The following GABRB2 variants were observed in gnomAD, a reference collection of about 807,000 sequenced individuals.
The protein encoded by GABRB2 is gamma-aminobutyric acid receptor subunit beta-2.
Under a neutral mutation model 54.7 loss-of-function variants are expected in GABRB2, and 16 were observed. The ratio of observed to expected loss-of-function variants is 0.29; its 90% CI spans 0.20 to 0.44. The LOEUF (loss-of-function observed/expected upper bound fraction) is 0.44, where lower values mean the gene tolerates loss of function less well. Ranked by LOEUF, GABRB2 falls within the 20% of genes least tolerant of loss-of-function variation. GABRB2 has a pLI of 1.00. For synonymous variants in GABRB2, 244 were observed against 233.8 expected (o/e 1.04, Z -0.40); for missense variants, 355 against 644.0 (o/e 0.55, Z 4.86).
intron 2 of GABRB2, among the ~76,000 whole-genome samples, chr5:161,545,948 G>A (rs1490745956): frequency 6.6e-6 from 1 of 152,194 alleles, no homozygotes; most frequent in Non-Finnish European, 1.5e-5. Flanking sequence ...CCAACTGCCT[G>A]CACGTCTTGT....
chr5:161,517,582 A>T (rs543205207), intron 3 of GABRB2, among the ~76,000 whole-genome samples: 1 of 152,192 alleles, frequency 6.6e-6, no homozygotes, highest in East Asian at 1.9e-4. Flanking sequence ...ACTGGTGTAA[A>T]CACTCTCTAC....
At chr5:161,506,844 CA>C (rs1759621460) in intron 3 of GABRB2, among the ~76,000 whole-genome samples, 1 of 151,962 alleles carries the variant, frequency 6.6e-6, no homozygotes, top group Admixed American at 6.6e-5. Context: ...GAGAAAAGGT[CA>C]ATCTTTGTAA....
chr5:161,325,823 A>G (rs1405177268), intron 9 of GABRB2, among the ~76,000 whole-genome samples: 1 of 152,142 alleles, frequency 6.6e-6, no homozygotes, highest in Non-Finnish European at 1.5e-5. Context: ...AACAATGTCA[A>G]TTATTGGCTT....
At chr5:161,394,648 A>C (rs1366126002) in intron 5 of GABRB2, among the ~76,000 whole-genome samples, 1 of 152,134 alleles carries the variant, frequency 6.6e-6, no homozygotes, top group Non-Finnish European at 1.5e-5. Flanking sequence ...AATATGACAT[A>C]CGAAGAAACA....
At chr5:161,401,633 A>G (rs1457718848) in intron 5 of GABRB2, among the ~76,000 whole-genome samples, 1 of 152,216 alleles carries the variant, frequency 6.6e-6, no homozygotes. Context: ...TTAATTTTAC[A>G]TTAGAAAAAT....
intron 3 of GABRB2, among the ~76,000 whole-genome samples, chr5:161,526,796 G>A (rs538653700): frequency 1.1e-4 from 16 of 151,426 alleles, no homozygotes; most frequent in Admixed American, 4.6e-4. Flanking sequence ...TATGTAAGAC[G>A]TATGGGCACA....
chr5:161,381,572 G>A (rs1055839606), intron 5 of GABRB2, among the ~76,000 whole-genome samples: 5 of 152,106 alleles, frequency 3.3e-5, no homozygotes, highest in African/African-American at 1.2e-4. Context: ...TCCTAGAAGA[G>A]GAGATGGGCT....
chr5:161,413,121 A>G (rs190292748), intron 4 of GABRB2, among the ~76,000 whole-genome samples: 2 of 152,262 alleles, frequency 1.3e-5, no homozygotes, highest in Admixed American at 1.3e-4. Context: ...GTTTAAGGGC[A>G]CAGACTTTGT....
intron 3 of GABRB2, among the ~76,000 whole-genome samples, chr5:161,490,108 T>C (rs1759055599): frequency 6.6e-6 from 1 of 151,780 alleles, no homozygotes. Flanking sequence ...CAGCTGTAAA[T>C]GTGTTTAGTG....
intron 3 of GABRB2, among the ~76,000 whole-genome samples, chr5:161,509,308 T>C (rs192872803): frequency 2.0e-5 from 3 of 152,148 alleles, no homozygotes; most frequent in Admixed American, 2.0e-4. Context: ...CTACCATTTC[T>C]TCATATTTTG....
At chr5:161,410,138 TCC>T (rs1756464422) in intron 5 of GABRB2, among the ~76,000 whole-genome samples, 2 of 152,124 alleles carry the variant, frequency 1.3e-5, no homozygotes, top group Non-Finnish European at 2.9e-5. Flanking sequence ...ATTGTCAACT[TCC>T]AGTTATTTAG....
intron 4 of GABRB2, among the ~76,000 whole-genome samples, chr5:161,416,865 G>T (rs1048007723): frequency 9.9e-5 from 15 of 151,728 alleles, no homozygotes; most frequent in African/African-American, 3.6e-4. Flanking sequence ...CAGCATTAGT[G>T]GGCATCAGTT....
rs372152516 is a variant in GABRB2, at chr5:161,527,842, G to GAGTGCGAATGGAATTCGCAC, written c.237+17384_237+17385insGTGCGAATTCCATTCGCACT. Among the ~76,000 whole-genome samples, 1,310 of 151,700 alleles carry GAGTGCGAATGGAATTCGCAC rather than the reference G, an allele frequency of 8.6e-3. 19 individuals are homozygous for GAGTGCGAATGGAATTCGCAC. Among genetic ancestry groups the GAGTGCGAATGGAATTCGCAC allele is most frequent in the African/African-American group, 0.03 (1,229 of 41,500 alleles). On this transcript the variant is annotated intron_variant, in intron 3 of 9. Transcript: ENST00000393959. ...AGAAATGCCCAGGACTGAGAGGTGT[G>GAGTGCGAATGGAATTCGCAC]ACACAGGTGGTGTGAATATAAACTA...
chr5:161,468,718 C>T lies in GABRB2; in HGVS notation c.238-8874G>A, dbSNP rs1036709964. Among the ~76,000 whole-genome samples the T allele has an allele frequency of 4.0e-4, 61 of 151,842 alleles. 1 individual carries two copies. The highest frequency in any genetic ancestry group is 1.8e-4 in the Non-Finnish European group (12 of 67,920). On this transcript the variant is annotated intron_variant, in intron 3 of 9. Transcript: ENST00000393959. ...CACTGATGTACCCCTATGCCTAAAA[C>T]AGAGCTTAGAACATAGTAGCAATAA...
At chr5:161,350,300 G>T (rs1561618211) in intron 5 of GABRB2, among the ~76,000 whole-genome samples, 1 of 152,052 alleles carries the variant, frequency 6.6e-6, no homozygotes, top group South Asian at 2.1e-4. Flanking sequence ...AATCCAAAAG[G>T]TGCCACCAAA....
intron 5 of GABRB2, among the ~76,000 whole-genome samples, chr5:161,347,484 C>T (rs187021996): frequency 1.2e-4 from 18 of 152,102 alleles, no homozygotes; most frequent in African/African-American, 3.9e-4. Context: ...TATTTCCCCA[C>T]GCCTTGAATG....
At chr5:161,337,171 T>A (rs1544761) in intron 5 of GABRB2, among the ~76,000 whole-genome samples, 14,231 of 152,166 alleles carry the variant, frequency 0.094, 772 homozygotes, top group East Asian at 0.17. Flanking sequence ...CATTATCACA[T>A]AACACTAGTT....
chr5:161,548,255 A>G (rs990213296), upstream of GABRB2: 1 of 152,256 alleles, frequency 6.6e-6, no homozygotes, highest in Non-Finnish European at 1.5e-5. Context: ...GAGATACTCA[A>G]TTCACAAAAG....
chr5:161,442,330 AG>A, intron 4 of GABRB2, among the ~76,000 whole-genome samples: 1 of 152,348 alleles, frequency 6.6e-6, no homozygotes, highest in East Asian at 1.9e-4. Flanking sequence ...CATGTAAGTA[AG>A]TAAAGTATCA....
Sources: allele counts gnomAD v4.1 joint callset (sites outside exome capture counted in the v4.1 genomes callset), GRCh38; gene constraint gnomAD v4.1.1; transcripts MANE v1.5; gene names NCBI Gene and HGNC (gene_info 2026-07-23, HGNC 2026-07-21).